GRIP1: variants seen among roughly 807,000 people sequenced by gnomAD.
GRIP1 encodes the protein glutamate receptor-interacting protein 1.
GRIP1 carries 45 observed loss-of-function variants against 129.9 expected under a neutral mutation model. The ratio of observed to expected loss-of-function variants is 0.35; its 90% CI spans 0.27 to 0.44. GRIP1 has a LOEUF of 0.44. GRIP1 is among the 20% of genes least tolerant of loss of function. The pLI is 1.00. For missense variants in GRIP1, 1,196 were observed against 1,396.8 expected, an observed-to-expected ratio of 0.86 and a Z score of 2.29; for synonymous variants, 530 against 520.8, an observed-to-expected ratio of 1.02 and a Z score of -0.24.
At chr12:66,730,349 A>G (rs1015976539) in intron 1 of GRIP1, among the ~76,000 whole-genome samples, 1 of 152,218 alleles carries the variant, frequency 6.6e-6, no homozygotes, top group African/African-American at 2.4e-5. Flanking sequence ...ATTGTTTCAT[A>G]AATAGCTATA....
intron 1 of GRIP1, among the ~76,000 whole-genome samples, chr12:67,025,493 T>C (rs1248374091): frequency 3.3e-5 from 5 of 152,232 alleles, no homozygotes; most frequent in Non-Finnish European, 7.3e-5. Flanking sequence ...TTTAAAATTA[T>C]TTTGTCTTCC....
At chr12:66,900,926 C>T (rs1021548240) in intron 1 of GRIP1, among the ~76,000 whole-genome samples, 19 of 152,164 alleles carry the variant, frequency 1.2e-4, no homozygotes, top group African/African-American at 4.6e-4. Context: ...TACTTTCGGT[C>T]TTGGCTCTTA....
At chr12:66,589,492 A>G (rs1235967057) in intron 2 of GRIP1, among the ~76,000 whole-genome samples, 1 of 152,212 alleles carries the variant, frequency 6.6e-6, no homozygotes, top group Non-Finnish European at 1.5e-5. Context: ...GTCTTCTGAG[A>G]AGCATCTCAT....
chr12:66,644,648 A>G lies in GRIP1; in HGVS notation c.55+34202T>C, dbSNP rs541558065. 2.3e-3 allele frequency among the ~76,000 whole-genome samples: 347 copies of G among 152,324 alleles called. 2 individuals are homozygous for G. The highest frequency in any genetic ancestry group is 7.9e-3 in the African/African-American group (330 of 41,564). On this transcript the variant is annotated intron_variant, in intron 1 of 24. Coordinates refer to ENST00000359742, the MANE Select transcript of GRIP1 (RefSeq NM_001366722.1). ...CATATCACATCTCTGCATTTATCAA[A>G]CCATGTCAAATATTATAATCAGATA...
intron 1 of GRIP1, among the ~76,000 whole-genome samples, chr12:66,854,418 C>T (rs1282992755): frequency 1.3e-5 from 2 of 151,934 alleles, no homozygotes; most frequent in Admixed American, 6.6e-5. Flanking sequence ...AAAATGAGAG[C>T]TTCTGAAGGA....
At chr12:67,035,243 A>C (rs2043078024) in intron 1 of GRIP1, among the ~76,000 whole-genome samples, 1 of 152,176 alleles carries the variant, frequency 6.6e-6, no homozygotes, top group Admixed American at 6.6e-5. Context: ...AGTTCCATAA[A>C]GCTCGGGCTT....
At chr12:67,047,976 G>C (rs1420667656) in intron 1 of GRIP1, among the ~76,000 whole-genome samples, 1 of 152,026 alleles carries the variant, frequency 6.6e-6, no homozygotes, top group Non-Finnish European at 1.5e-5. Context: ...GGTTCTATTT[G>C]TAAGTCTTTA....
chr12:66,787,382 T>C (rs1313892268), intron 1 of GRIP1, among the ~76,000 whole-genome samples: 1 of 152,190 alleles, frequency 6.6e-6, no homozygotes, highest in Admixed American at 6.5e-5. Flanking sequence ...AGAATTCTCT[T>C]CCCATTTCTG....
In GRIP1 at chr12:66,859,308, A is replaced by AT. The variant is rs1566054705; in HGVS notation, c.58+209741_58+209742insA. The stretch of plus-strand genomic sequence containing the variant: ...ACAAAAAAACAAAAAAACAAAAAAA[A>AT]ACCAGTATTAGCCATCACAGAAATA... On this transcript the variant is annotated intron_variant, in intron 1 of 1. Coordinates refer to the GRIP1 transcript ENST00000643019. 1.0e-3 allele frequency among the ~76,000 whole-genome samples: 131 copies of AT among 129,618 alleles called. 2 individuals are homozygous for AT. Among genetic ancestry groups the AT allele is most frequent in the Middle Eastern group, 4.3e-3 (1 of 232 alleles). The allele number at this position is 129,618 out of a possible 152,430, so 85.0% of individuals were successfully genotyped here. A position where few individuals can be genotyped will look rare whatever the true frequency, so the allele number is the denominator to read the frequency against.
At chr12:66,678,711 C>T in intron 1 of GRIP1, 139 bp downstream of exon 1, 1 of 765,470 alleles carries the variant, frequency 1.3e-6, no homozygotes, top group Non-Finnish European at 2.3e-6. Context: ...ACATATGTAT[C>T]TATACATATT....
chr12:66,535,347 G>C (rs1356954063), intron 4 of GRIP1, among the ~76,000 whole-genome samples: 1 of 150,618 alleles, frequency 6.6e-6, no homozygotes, highest in Non-Finnish European at 1.5e-5. Flanking sequence ...AAAGCAAACT[G>C]ACTCATTTAA....
At position 66,465,182 on chromosome 12, in the gene GRIP1, G is replaced by A. The variant is rs998347857; in HGVS notation, c.872+93C>T. 3.9e-6 allele frequency: 4 copies of A among 1,027,430 alleles called. No individual in the cohort carries two copies. The African/African-American group carries it at 4.8e-5, about 12-fold the overall frequency. 63.6% of individuals were successfully genotyped at this position (1,027,430 alleles called of 1,614,324 possible). A position where few individuals can be genotyped will look rare whatever the true frequency, so the allele number is the denominator to read the frequency against. On this transcript the variant is annotated intron_variant, in intron 8 of 24. Coordinates refer to ENST00000359742, the MANE Select transcript of GRIP1 (RefSeq NM_001366722.1). ...GCTGGTCTCGAACTCCTGACCTCAG[G>A]TGATTCACCCGCCTCGGCCTCCCAA...
intron 7 of GRIP1, among the ~76,000 whole-genome samples, chr12:66,499,674 T>C (rs916532466): frequency 1.3e-5 from 2 of 152,098 alleles, no homozygotes; most frequent in African/African-American, 4.8e-5. Context: ...GTTATTAGAA[T>C]AGAGGTATTT....
Position 66,487,603 on chromosome 12 carries a change from C to G in GRIP1, c.725-22181G>C, listed in dbSNP as rs151233742. Among the ~76,000 whole-genome samples, 1,132 of 152,232 alleles carry G rather than the reference C, an allele frequency of 7.4e-3. 18 individuals are homozygous for G. Among genetic ancestry groups the G allele is most frequent in the African/African-American group, 0.026 (1,090 of 41,536 alleles). ...AGTCTGCAAAATAACCAGCTAGCAT[C>G]ATGATGACAGGATCAAATTAACACA... On this transcript the variant is annotated intron_variant, in intron 7 of 24. Coordinates refer to ENST00000359742, the MANE Select transcript of GRIP1 (RefSeq NM_001366722.1).
chr12:67,042,138 G>A (rs2043190428), intron 1 of GRIP1, among the ~76,000 whole-genome samples: 2 of 152,146 alleles, frequency 1.3e-5, no homozygotes, highest in Non-Finnish European at 2.9e-5. Context: ...AGGTCACCAC[G>A]TGATGCCTTC....
At chr12:66,899,672 G>C (rs1169421084) in intron 1 of GRIP1, among the ~76,000 whole-genome samples, 1 of 152,096 alleles carries the variant, frequency 6.6e-6, no homozygotes, top group Admixed American at 6.6e-5. Flanking sequence ...ACCCATGTGA[G>C]ATTCTAACCT....
chr12:66,564,936 T>G (rs1010704276), intron 2 of GRIP1, among the ~76,000 whole-genome samples: 1 of 152,266 alleles, frequency 6.6e-6, no homozygotes, highest in African/African-American at 2.4e-5. Flanking sequence ...TTTTGAGAAG[T>G]GTCTGTTCAC....
At chr12:66,795,123 G>A (rs1321016478) in intron 1 of GRIP1, among the ~76,000 whole-genome samples, 1 of 152,172 alleles carries the variant, frequency 6.6e-6, no homozygotes, top group African/African-American at 2.4e-5. Context: ...ACTTGCAGAA[G>A]TTAATTTTTT....
chr12:66,639,159 A>T (rs1223951181), intron 1 of GRIP1, among the ~76,000 whole-genome samples: 1 of 152,172 alleles, frequency 6.6e-6, no homozygotes, highest in African/African-American at 2.4e-5. Flanking sequence ...AATGTTAGGT[A>T]TTCCTATTAC....
Sources: gnomAD v4.1 joint callset for allele counts (sites outside exome capture counted in the v4.1 genomes callset) on GRCh38, gnomAD v4.1.1 for gene constraint, MANE v1.5 for transcripts, NCBI Gene and HGNC (gene_info 2026-07-23, HGNC 2026-07-21) for gene names.